Variants in CCDC60 observed in about 807,000 individuals in gnomAD.
CCDC60 encodes the protein coiled-coil domain-containing protein 60.
CCDC60 carries 54 observed loss-of-function variants against 63.5 expected under a neutral mutation model. That is an observed-to-expected ratio of 0.85 (90% CI 0.68 to 1.07). The LOEUF (loss-of-function observed/expected upper bound fraction) is 1.07, where lower values mean the gene tolerates loss of function less well. Among genes scored for constraint, CCDC60 ranks in the 50% least tolerant of loss-of-function variants. The pLI, the probability that CCDC60 is intolerant of heterozygous loss-of-function variation, is 0.00. For missense variants in CCDC60, 651 were observed against 684.3 expected, an observed-to-expected ratio of 0.95 and a Z score of 0.54; for synonymous variants, 206 against 238.8, an observed-to-expected ratio of 0.86 and a Z score of 1.27.
rs772048481 is a variant in CCDC60 at position 119,479,132 on chromosome 12, G to A, written c.380G>A (p.Arg127Lys). The A allele has an allele frequency of 1.9e-6, 3 of 1,613,914 alleles. No homozygotes were observed. Among genetic ancestry groups the A allele is most frequent in the Non-Finnish European group, 2.5e-6 (3 of 1,179,992 alleles). Residue 127 changes from arginine to lysine, a missense_variant, in exon 4 of 14, where the codon AGA becomes AAA. Transcript: ENST00000327554. Reference sequence around the variant, plus strand: ...GAGAAGTTGAAGACACTGGGAGCTAGAGTCACACGTCGCCCATTCACTCCC... The same window carrying A: ...GAGAAGTTGAAGACACTGGGAGCTAAAGTCACACGTCGCCCATTCACTCCC... ...DDEKLKTLGA[R>K]VTRRPFTPIH...
In CCDC60 at chr12:119,500,162, G is replaced by A. The variant is rs372681245; in HGVS notation, c.642G>A (p.Ala214=). 32 of 1,607,348 alleles carry A rather than the reference G, an allele frequency of 2.0e-5. No homozygotes were observed. Among genetic ancestry groups the A allele is most frequent in the Admixed American group, 1.2e-4 (7 of 59,322 alleles). ...AGAAATGGGAGCATTTCATCACAGC[G>A]CCAAAGGTAACCAACAACACGCGAC... ...MGQKWEHFIT[A]PKTKKFKIPT... is the part of the protein sequence containing the mutation. Residue 214 remains alanine (A), a synonymous_variant, in exon 6 of 14, where the codon GCG becomes GCA. Coordinates refer to ENST00000327554, the MANE Select transcript of CCDC60 (RefSeq NM_178499.5).
intron 1 of CCDC60, among the ~76,000 whole-genome samples, chr12:119,424,781 A>G (rs533300121): frequency 1.3e-5 from 2 of 152,368 alleles, no homozygotes; most frequent in East Asian, 1.9e-4. Context: ...TTATAAAGTT[A>G]TAATCATAAA....
chr12:119,344,224 A>G (rs541939385), intron 1 of CCDC60, among the ~76,000 whole-genome samples: 2 of 152,274 alleles, frequency 1.3e-5, no homozygotes, highest in African/African-American at 4.8e-5. Flanking sequence ...GTGACAACGA[A>G]AAACATCTCA....
intron 1 of CCDC60, among the ~76,000 whole-genome samples, chr12:119,388,632 T>C (rs1421544492): frequency 6.6e-6 from 1 of 152,232 alleles, no homozygotes; most frequent in Non-Finnish European, 1.5e-5. Context: ...GGTAGTTTGC[T>C]CTCTTTTCAT....
chr12:119,399,943 A>G (rs1956358511), intron 1 of CCDC60, among the ~76,000 whole-genome samples: 1 of 152,092 alleles, frequency 6.6e-6, no homozygotes, highest in African/African-American at 2.4e-5. Flanking sequence ...TAGATTAAGT[A>G]TCGTGCACTC....
At chr12:119,471,899 CCTCT>C (rs963754934) in intron 2 of CCDC60, 91 bp from the exon 3 acceptor site, 154 of 955,282 alleles carry the variant, frequency 1.6e-4, no homozygotes, top group South Asian at 6.9e-4. Context: ...TTTTCTCTTT[CCTCT>C]CTCTCTTTCT....
At chr12:119,495,912 C>G (rs970082779) in intron 5 of CCDC60, among the ~76,000 whole-genome samples, 1 of 152,156 alleles carries the variant, frequency 6.6e-6, no homozygotes, top group African/African-American at 2.4e-5. Context: ...TAGTGATGGG[C>G]AGGGGAGTTT....
At chr12:119,402,123 T>A (rs889580097) in intron 1 of CCDC60, among the ~76,000 whole-genome samples, 1 of 152,226 alleles carries the variant, frequency 6.6e-6, no homozygotes, top group Non-Finnish European at 1.5e-5. Context: ...AATATTCTGA[T>A]TGGCTGGGCC....
chr12:119,381,866 G>C (rs1956010840), intron 1 of CCDC60, among the ~76,000 whole-genome samples: 1 of 152,210 alleles, frequency 6.6e-6, no homozygotes, highest in African/African-American at 2.4e-5. Flanking sequence ...AGTTGAAGCA[G>C]GTGACATGGG....
intron 1 of CCDC60, among the ~76,000 whole-genome samples, chr12:119,368,141 AGAG>A (rs1348713407): frequency 7.8e-6 from 1 of 128,866 alleles, no homozygotes. Flanking sequence ...AAGGAAGAAG[AGAG>A]GAGAAGAAAA....
At chr12:119,488,452 C>T (rs1337703233) in intron 4 of CCDC60, among the ~76,000 whole-genome samples, 1 of 152,164 alleles carries the variant, frequency 6.6e-6, no homozygotes, top group African/African-American at 2.4e-5. Flanking sequence ...TATACAAATT[C>T]TCAGTAACTG....
At chr12:119,455,927 A>AAGAG (rs200811078) in intron 2 of CCDC60, among the ~76,000 whole-genome samples, 1 of 92,908 alleles carries the variant, frequency 1.1e-5, no homozygotes, top group Non-Finnish European at 2.2e-5. Flanking sequence ...GGAGGAAAGA[A>AAGAG]AGAAAGAGAA....
chr12:119,449,078 G>A (rs921743801), intron 2 of CCDC60, among the ~76,000 whole-genome samples: 2 of 152,154 alleles, frequency 1.3e-5, no homozygotes, highest in African/African-American at 4.8e-5. Context: ...GACTTTTTGG[G>A]GGGCAGGCAG....
At chr12:119,424,165 A>G (rs944110973) in intron 1 of CCDC60, among the ~76,000 whole-genome samples, 1 of 152,200 alleles carries the variant, frequency 6.6e-6, no homozygotes, top group Non-Finnish European at 1.5e-5. Context: ...TCATATGTCA[A>G]TATTTTAAAA....
rs7303470 is a variant in CCDC60 at position 119,345,834 on chromosome 12, T to A, written c.90+10568T>A. Among the ~76,000 whole-genome samples, 955 of 152,102 alleles carry A rather than the reference T, an allele frequency of 6.3e-3. 7 individuals are homozygous for A. Among genetic ancestry groups the A allele is most frequent in the African/African-American group, 0.022 (917 of 41,490 alleles). ...TTTTTTGTTTTTTTTTGTTTGTTTG[T>A]TTTGAGACAGTCTCACTCTGTCACC... On this transcript the variant is annotated intron_variant, in intron 1 of 13. Coordinates refer to ENST00000327554, the MANE Select transcript of CCDC60 (RefSeq NM_178499.5).
chr12:119,349,358 T>C (rs1955631004), intron 1 of CCDC60, among the ~76,000 whole-genome samples: 2 of 132,058 alleles, frequency 1.5e-5, no homozygotes, highest in East Asian at 2.0e-4. Context: ...TTTTTTTTTT[T>C]CTTCTGAGAC....
At chr12:119,396,568 C>T (rs2136209909) in intron 1 of CCDC60, among the ~76,000 whole-genome samples, 1 of 152,150 alleles carries the variant, frequency 6.6e-6, no homozygotes, top group Non-Finnish European at 1.5e-5. Flanking sequence ...ACAGTGAGTC[C>T]CATTGGAAGA....
At chr12:119,507,709 G>A (rs1952094450) in intron 7 of CCDC60, among the ~76,000 whole-genome samples, 1 of 144,712 alleles carries the variant, frequency 6.9e-6, no homozygotes, top group Non-Finnish European at 1.5e-5. Flanking sequence ...TCAAACTCCT[G>A]GGCTCAAACA....
chr12:119,480,911 CCATCACCATCAT>C (rs1951299988), intron 4 of CCDC60, among the ~76,000 whole-genome samples: 4 of 141,634 alleles, frequency 2.8e-5, no homozygotes, highest in Non-Finnish European at 6.2e-5. Context: ...ACCATCCTCA[CCATCACCATCAT>C]CATCACCATC....
Sources: allele counts gnomAD v4.1 joint callset (sites outside exome capture counted in the v4.1 genomes callset), GRCh38; gene constraint gnomAD v4.1.1; transcripts MANE v1.5; gene names NCBI Gene and HGNC (gene_info 2026-07-23, HGNC 2026-07-21).